The following BDH1 variants were observed in gnomAD, a reference collection of about 807,000 sequenced individuals.
BDH1 encodes 3-hydroxybutyrate dehydrogenase 1.
Under a neutral mutation model 33.1 loss-of-function variants are expected in BDH1, and 30 were observed. The observed-to-expected ratio is 0.91, with a 90% confidence interval of 0.68 to 1.23. The LOEUF (loss-of-function observed/expected upper bound fraction) is 1.23. Ranked by LOEUF, BDH1 falls within the 50% of genes most tolerant of loss-of-function variation. The pLI is 0.00. For missense variants in BDH1, 443 were observed against 464.4 expected (o/e 0.95, Z 0.42); for synonymous variants, 190 against 183.6 (o/e 1.03, Z -0.28).
chr3:197,568,645 G>T (rs1560349628), intron 1 of BDH1, among the ~76,000 whole-genome samples: 1 of 151,668 alleles, frequency 6.6e-6, no homozygotes, highest in Non-Finnish European at 1.5e-5. Context: ...CATTAATTGA[G>T]TGTTTGTTTA....
At chr3:197,560,982 A>G (rs1205400894) in intron 1 of BDH1, among the ~76,000 whole-genome samples, 2 of 151,828 alleles carry the variant, frequency 1.3e-5, no homozygotes, top group East Asian at 3.8e-4. Context: ...CATCTTACAT[A>G]TGTTGATTGA....
chr3:197,542,449 C>G (rs115389645), intron 3 of BDH1, among the ~76,000 whole-genome samples: 1,967 of 152,012 alleles, frequency 0.013, 52 homozygotes, highest in African/African-American at 0.045. Flanking sequence ...ACACCAACAG[C>G]TATGCCGGTC....
At chr3:197,534,797 T>C (rs948424182) in intron 3 of BDH1, among the ~76,000 whole-genome samples, 1 of 152,256 alleles carries the variant, frequency 6.6e-6, no homozygotes, top group Non-Finnish European at 1.5e-5. Flanking sequence ...GATATTTCGC[T>C]GTGGTTTTAA....
At chr3:197,527,948 T>G (rs1404600494) in intron 5 of BDH1, among the ~76,000 whole-genome samples, 1 of 152,210 alleles carries the variant, frequency 6.6e-6, no homozygotes, top group African/African-American at 2.4e-5. Flanking sequence ...ATGCTTTATC[T>G]TCTTTTCCTG....
At chr3:197,547,693 C>A (rs1032547349) in intron 2 of BDH1, among the ~76,000 whole-genome samples, 7 of 152,266 alleles carry the variant, frequency 4.6e-5, no homozygotes, top group Admixed American at 4.6e-4. Flanking sequence ...GTGTTTAAAG[C>A]CAACTTTCCA....
intron 1 of BDH1, among the ~76,000 whole-genome samples, chr3:197,569,939 G>C (rs1331662191): frequency 6.6e-6 from 1 of 150,814 alleles, no homozygotes; most frequent in African/African-American, 2.5e-5. Context: ...GAACAGTTTG[G>C]AGGGCTCAGA....
intron 2 of BDH1, among the ~76,000 whole-genome samples, chr3:197,550,306 C>T (rs955308219): frequency 3.3e-5 from 5 of 152,144 alleles, no homozygotes; most frequent in Non-Finnish European, 5.9e-5. Flanking sequence ...TTAGGCACAC[C>T]CAATGCAGAC....
rs1560296787 is a variant in BDH1, at chr3:197,510,674, A to AGTGTGTGTGTGTGTG, written c.*1220_*1221insCACACACACACACAC. 1.1e-4 allele frequency: 4 copies of AGTGTGTGTGTGTGTG among 37,306 alleles called. No homozygotes were observed. Among genetic ancestry groups the AGTGTGTGTGTGTGTG allele is most frequent in the South Asian group, 1.8e-3 (2 of 1,090 alleles). The allele number at this position is 37,306 out of a possible 1,614,324, so 2.3% of individuals were successfully genotyped here. ...TGTGTGTGTGTGTGTGTGTGTGTAC[A>AGTGTGTGTGTGTGTG]TGTGTGTAAGGTGTGTGTGTGTGTG... is the stretch of plus-strand genomic sequence containing the variant. On this transcript the variant is annotated 3_prime_UTR_variant, in exon 8 of 8. Transcript: ENST00000392379.
rs1012336000 is a variant in BDH1 at position 197,522,279 on chromosome 3, G to A, written c.409+361C>T. Among the ~76,000 whole-genome samples the A allele has an allele frequency of 6.6e-5, 10 of 152,210 alleles. No individual in the cohort carries two copies. The highest frequency in any genetic ancestry group is 4.1e-4 in the South Asian group (2 of 4,826). On this transcript the variant is annotated intron_variant, in intron 6 of 7. Transcript: ENST00000392379. This position sits in a 1 kb window ranked among gnomAD's most constrained non-coding sequence, Gnocchi z 4.8. ...TCCCTGATTTTGAACTCAGTCCTCC[G>A]GCTGAACTATGAGGTCCTGGGGACA... is the stretch of plus-strand genomic sequence containing the variant.
chr3:197,563,115 T>A (rs1717319919), intron 1 of BDH1, among the ~76,000 whole-genome samples: 1 of 152,202 alleles, frequency 6.6e-6, no homozygotes, highest in Non-Finnish European at 1.5e-5. Flanking sequence ...TTATAGAATC[T>A]GTATGTGTGT....
In BDH1 at chr3:197,525,349, C is replaced by T. The variant is rs980526698; in HGVS notation, c.268-2568G>A. 6.6e-6 allele frequency among the ~76,000 whole-genome samples: 1 copy of T among 152,184 alleles called. No homozygotes were observed. The highest frequency in any genetic ancestry group is 2.4e-5 in the African/African-American group (1 of 41,446). On this transcript the variant is annotated intron_variant, in intron 5 of 7. Coordinates refer to ENST00000392379, the MANE Select transcript of BDH1 (RefSeq NM_203314.3). This position sits in a 1 kb window ranked among gnomAD's most constrained non-coding sequence, Gnocchi z 4.9. ...CACAAGAGGTATCTAAATGTCCTTCCTCTTGGGACTTGGTTAACCCTGTTG... is the reference window on the plus strand; with the variant it reads ...CACAAGAGGTATCTAAATGTCCTTCTTCTTGGGACTTGGTTAACCCTGTTG...
rs1553875236 is a variant in BDH1 at position 197,549,975 on chromosome 3, T to TTATTTTTATATA, written c.-43-3490_-43-3489insTATATAAAAATA. ...TATATGCACTATAATCAAATAACTATTATATATATATTTGGCCATTCCTCT... is the reference window on the plus strand; with the variant it reads ...TATATGCACTATAATCAAATAACTATTATTTTTATATATATATATATATTTGGCCATTCCTCT... On this transcript the variant is annotated intron_variant, in intron 2 of 7. Transcript: ENST00000392379. Among the ~76,000 whole-genome samples the TTATTTTTATATA allele has an allele frequency of 4.8e-5, 7 of 146,804 alleles. 1 individual carries two copies. Among genetic ancestry groups the TTATTTTTATATA allele is most frequent in the Admixed American group, 2.0e-4 (3 of 15,012 alleles).
chr3:197,512,526 C>G (rs376798280), intron 7 of BDH1, among the ~76,000 whole-genome samples, 162 bp from the exon 8 acceptor site: 1 of 152,224 alleles, frequency 6.6e-6, no homozygotes, highest in Admixed American at 6.5e-5. Context: ...GCATCAGCAT[C>G]GGCACCCCTG....
Position 197,521,449 on chromosome 3 carries a change from T to C in BDH1, c.409+1191A>G, listed in dbSNP as rs1713540077. ...CTGGTACTGCCCTCTCCTCCAAACT[T>C]TCTGTTGTTTAGCCTCTGGGGAACT... On this transcript the variant is annotated intron_variant, in intron 6 of 7. Transcript: ENST00000392379. The surrounding 1 kb of genome is among the most constrained non-coding windows in gnomAD (Gnocchi z 4.9). Among the ~76,000 whole-genome samples, 3 of 152,088 alleles carry C rather than the reference T, an allele frequency of 2.0e-5. No individual in the cohort carries two copies. Among genetic ancestry groups the C allele is most frequent in the Admixed American group, 2.0e-4 (3 of 15,282 alleles).
Position 197,522,785 on chromosome 3 carries a change from G to A in BDH1, c.268-4C>T, listed in dbSNP as rs1375405917. 3 of 1,613,482 alleles carry A rather than the reference G, an allele frequency of 1.9e-6. No individual in the cohort carries two copies. The African/African-American group carries it at 4.0e-5, about 22-fold the overall frequency. Reference sequence around the variant, plus strand: ...TGACCCCATCATGGCCTTTGTCCTGGGGAGGAGAGAAGAGCTGCTTCTACC... The same window carrying A: ...TGACCCCATCATGGCCTTTGTCCTGAGGAGGAGAGAAGAGCTGCTTCTACC... On this transcript the variant is annotated splice_polypyrimidine_tract_variant and splice_region_variant and intron_variant, in intron 5 of 7. Transcript: ENST00000392379. The surrounding 1 kb of genome is among the most constrained non-coding windows in gnomAD (Gnocchi z 4.8).
In BDH1 at chr3:197,520,099, G is replaced by A. The variant is rs908701813; in HGVS notation, c.409+2541C>T. 3.3e-5 allele frequency among the ~76,000 whole-genome samples: 5 copies of A among 152,130 alleles called. No individual in the cohort carries two copies. The highest frequency in any genetic ancestry group is 1.9e-4 in the East Asian group (1 of 5,194). ...AGGGTGCTCCCTGGAGTTCACAGCCGGCATTGCCTGAGGGGGAATTGCCAA... is the reference window on the plus strand; with the variant it reads ...AGGGTGCTCCCTGGAGTTCACAGCCAGCATTGCCTGAGGGGGAATTGCCAA... On this transcript the variant is annotated intron_variant, in intron 6 of 7. Transcript: ENST00000392379. This position sits in a 1 kb window ranked among gnomAD's most constrained non-coding sequence, Gnocchi z 6.0.
Position 197,522,540 on chromosome 3 carries a change from AGT to A in BDH1, c.409+98_409+99del. On this transcript the variant is annotated intron_variant, in intron 6 of 7. Transcript: ENST00000392379. This position sits in a 1 kb window ranked among gnomAD's most constrained non-coding sequence, Gnocchi z 4.8. ...GAAGAGCCTAAACAATAAGGAAGGG[AGT>A]GTGGTGGCAGGATGCCAGCCAGTGG... 6.9e-7 allele frequency: 1 copy of A among 1,458,266 alleles called. No individual in the cohort carries two copies. Among genetic ancestry groups the A allele is most frequent in the Non-Finnish European group, 9.4e-7 (1 of 1,058,846 alleles). 90.3% of individuals were successfully genotyped at this position (1,458,266 alleles called of 1,614,324 possible).
upstream of BDH1, among the ~76,000 whole-genome samples, chr3:197,559,360 A>ATGAGTTGAGTCTGTTGAG (rs1479671255): frequency 1.3e-5 from 2 of 152,158 alleles, no homozygotes; most frequent in African/African-American, 2.4e-5. Context: ...TATGTGATTA[A>ATGAGTTGAGTCTGTTGAG]TGTACCTTGT....
At position 197,554,846 on chromosome 3, in the gene BDH1, C is replaced by T. The variant is rs992503544; in HGVS notation, c.-195-133G>A. 3 of 152,276 alleles carry T rather than the reference C, an allele frequency of 2.0e-5. No homozygotes were observed. The highest frequency in any genetic ancestry group is 2.0e-4 in the Admixed American group (3 of 15,294). The allele number at this position is 152,276 out of a possible 1,614,324, so 9.4% of individuals were successfully genotyped here. ...GGCGCCTGGGCCGCTAGGGACCGAC[C>T]GGAGCGCTCAAACCCACAGGGTATC... is the stretch of plus-strand genomic sequence containing the variant. On this transcript the variant is annotated intron_variant, in intron 1 of 7. Coordinates refer to ENST00000392379, the MANE Select transcript of BDH1 (RefSeq NM_203314.3). This position sits in a 1 kb window ranked among gnomAD's most constrained non-coding sequence, Gnocchi z 4.4.
Sources: allele counts gnomAD v4.1 joint callset (sites outside exome capture counted in the v4.1 genomes callset), GRCh38; gene constraint gnomAD v4.1.1; non-coding constraint Gnocchi (gnomAD v3.1); transcripts MANE v1.5; gene names NCBI Gene and HGNC (gene_info 2026-07-23, HGNC 2026-07-21).